The following ANKS1B variants were observed in gnomAD, a reference collection of about 807,000 sequenced individuals.
ANKS1B encodes the protein ankyrin repeat and sterile alpha motif domain containing 1B.
ANKS1B carries 36 observed loss-of-function variants against 148.3 expected under a neutral mutation model. The observed-to-expected ratio is 0.24, with a 90% CI of 0.19 to 0.32. The LOEUF (loss-of-function observed/expected upper bound fraction) is 0.32, where lower values mean the gene tolerates loss of function less well. ANKS1B is among the 10% of genes least tolerant of loss of function. The pLI is 1.00. For missense variants in ANKS1B, 1,157 were observed against 1,542.6 expected, an observed-to-expected ratio of 0.75 and a Z score of 4.19; for synonymous variants, 542 against 560.8, an observed-to-expected ratio of 0.97 and a Z score of 0.47.
intron 9 of ANKS1B, among the ~76,000 whole-genome samples, chr12:98,738,440 C>CT (rs911202814): frequency 6.6e-6 from 1 of 152,168 alleles, no homozygotes; most frequent in Admixed American, 6.5e-5. Context: ...AACTGGAAAA[C>CT]TGAGCAGGTG....
intron 15 of ANKS1B, among the ~76,000 whole-genome samples, chr12:99,116,745 T>C (rs1289196179): frequency 3.3e-5 from 5 of 152,252 alleles, no homozygotes; most frequent in Middle Eastern, 3.4e-3. Flanking sequence ...AGAAAGTCAA[T>C]AGTAGCTTAA....
chr12:99,684,057 G>A (rs559695160), intron 8 of ANKS1B, among the ~76,000 whole-genome samples: 13 of 152,120 alleles, frequency 8.5e-5, no homozygotes, highest in Non-Finnish European at 1.5e-4. Flanking sequence ...GATAACACAA[G>A]GATGCCCACT....
intron 10 of ANKS1B, among the ~76,000 whole-genome samples, chr12:99,501,306 A>C (rs892572236): frequency 1.3e-5 from 2 of 152,118 alleles, no homozygotes; most frequent in Admixed American, 6.6e-5. Context: ...AATTATTAGA[A>C]ACTGTTAATT....
intron 12 of ANKS1B, among the ~76,000 whole-genome samples, chr12:99,386,455 A>G (rs1567002790): frequency 6.6e-6 from 1 of 152,138 alleles, no homozygotes; most frequent in Non-Finnish European, 1.5e-5. Flanking sequence ...GAAAGTAACA[A>G]CATCAGGGTG....
intron 14 of ANKS1B, among the ~76,000 whole-genome samples, chr12:99,176,765 T>C (rs1307560705): frequency 1.3e-5 from 2 of 152,008 alleles, no homozygotes; most frequent in Non-Finnish European, 2.9e-5. Flanking sequence ...TCTCTCTCGA[T>C]CCCATTTTCT....
At chr12:98,974,459 T>C (rs1240644054) in intron 17 of ANKS1B, among the ~76,000 whole-genome samples, 2 of 152,170 alleles carry the variant, frequency 1.3e-5, no homozygotes, top group African/African-American at 4.8e-5. Context: ...GAATACTCAA[T>C]AGGTATTTAG....
At chr12:98,932,640 C>G (rs1016941678) in intron 17 of ANKS1B, among the ~76,000 whole-genome samples, 1 of 152,108 alleles carries the variant, frequency 6.6e-6, no homozygotes, top group Admixed American at 6.5e-5. Flanking sequence ...TGGAAGCAGT[C>G]TCATGGTTTC....
intron 10 of ANKS1B, among the ~76,000 whole-genome samples, chr12:99,475,244 C>CA (rs35782669): frequency 0.088 from 7,324 of 83,688 alleles, 254 homozygotes; most frequent in Non-Finnish European, 0.13. Flanking sequence ...GACTCTGTTT[C>CA]AAAAAAAAAA....
chr12:99,200,272 A>G (rs1489842890), intron 14 of ANKS1B, among the ~76,000 whole-genome samples: 1 of 152,236 alleles, frequency 6.6e-6, no homozygotes. Flanking sequence ...TAAAATATTT[A>G]TGATTTTGAG....
chr12:98,797,519 CG>C (rs1423673768), intron 22 of ANKS1B, among the ~76,000 whole-genome samples: 1 of 152,144 alleles, frequency 6.6e-6, no homozygotes, highest in African/African-American at 2.4e-5. Flanking sequence ...TAACCAGCCA[CG>C]GAACTAAAAC....
At chr12:99,767,877 A>G (rs1601744553) in intron 8 of ANKS1B, among the ~76,000 whole-genome samples, 1 of 152,144 alleles carries the variant, frequency 6.6e-6, no homozygotes, top group Non-Finnish European at 1.5e-5. Context: ...TTTAACTTAT[A>G]TTAGTAAAAG....
At chr12:99,323,639 A>G (rs1039146098) in intron 12 of ANKS1B, among the ~76,000 whole-genome samples, 2 of 152,236 alleles carry the variant, frequency 1.3e-5, no homozygotes, top group African/African-American at 2.4e-5. Context: ...TGGACTAAAT[A>G]ATCATTTCAT....
chr12:99,698,334 T>A (rs1400998247), intron 8 of ANKS1B, among the ~76,000 whole-genome samples: 1 of 152,198 alleles, frequency 6.6e-6, no homozygotes, highest in Non-Finnish European at 1.5e-5. Flanking sequence ...AAACCTTGAA[T>A]TTCACTTGGT....
intron 12 of ANKS1B, chr12:99,345,048 A>C (rs762756247): frequency 6.6e-6 from 1 of 152,082 alleles, no homozygotes; most frequent in Non-Finnish European, 1.5e-5. Context: ...TCTGAAAAAG[A>C]CAACCTGGGA....
At chr12:99,955,365 C>A (rs556238861) in intron 1 of ANKS1B, among the ~76,000 whole-genome samples, 1 of 151,476 alleles carries the variant, frequency 6.6e-6, no homozygotes, top group African/African-American at 2.4e-5. Flanking sequence ...TGGTGGCGCG[C>A]GCCTGTAGTC....
chr12:99,319,365 G>A (rs2084785793), intron 12 of ANKS1B, among the ~76,000 whole-genome samples: 1 of 152,146 alleles, frequency 6.6e-6, no homozygotes, highest in Non-Finnish European at 1.5e-5. Flanking sequence ...TGTATTGGGT[G>A]CATATATATT....
intron 12 of ANKS1B, among the ~76,000 whole-genome samples, chr12:99,266,936 C>T (rs1602228504): frequency 6.6e-6 from 1 of 152,070 alleles, no homozygotes; most frequent in East Asian, 1.9e-4. Context: ...GGTGAATTGC[C>T]TGGTTTACTG....
At chr12:99,367,237 G>T (rs1046242420) in intron 12 of ANKS1B, among the ~76,000 whole-genome samples, 1 of 152,032 alleles carries the variant, frequency 6.6e-6, no homozygotes, top group Non-Finnish European at 1.5e-5. Flanking sequence ...TTCAAAATCC[G>T]AATAGAAAAT....
rs79426570 is a variant in ANKS1B at position 99,698,011 on chromosome 12, G to A, written c.1129-42801C>T. ...CATAGGAAGGATAAACCAGAAAAAC[G>A]TTAGATTACCTATATGGGGTGGGTA... On this transcript the variant is annotated intron_variant, in intron 8 of 26. Coordinates refer to ENST00000683438, the MANE Select transcript of ANKS1B (RefSeq NM_001352186.2). 6.6e-3 allele frequency among the ~76,000 whole-genome samples: 1,006 copies of A among 152,094 alleles called. 14 individuals carry two copies. The highest frequency in any genetic ancestry group is 0.023 in the African/African-American group (941 of 41,516).
Sources: gnomAD v4.1 joint callset for allele counts (sites outside exome capture counted in the v4.1 genomes callset) on GRCh38, gnomAD v4.1.1 for gene constraint, MANE v1.5 for transcripts, NCBI Gene and HGNC (gene_info 2026-07-23, HGNC 2026-07-21) for gene names.